PPP1R42: variants seen among roughly 807,000 people sequenced by gnomAD.
The protein encoded by PPP1R42 is leucine rich repeat containing 67.
Under a neutral mutation model 31.0 loss-of-function variants are expected in PPP1R42, and 34 were observed. That is an observed-to-expected ratio of 1.10 (90% CI 0.83 to 1.46). The LOEUF is 1.46. Among genes scored for constraint, PPP1R42 ranks in the 40% most tolerant of loss-of-function variants. The probability of loss-of-function intolerance (pLI) is 0.00; values close to 1 mark genes in which losing one functional copy is unlikely to be tolerated. For missense variants in PPP1R42, 268 were observed against 303.0 expected, an observed-to-expected ratio of 0.88 and a Z score of 0.86; for synonymous variants, 103 against 109.8, an observed-to-expected ratio of 0.94 and a Z score of 0.39.
At chr8:67,024,366 T>G (rs1482427299) in intron 1 of PPP1R42, among the ~76,000 whole-genome samples, 1 of 151,980 alleles carries the variant, frequency 6.6e-6, no homozygotes, top group Non-Finnish European at 1.5e-5. Context: ...CAGGCTGGAG[T>G]ACAGTGGTGC....
intron 6 of PPP1R42, chr8:66,984,169 A>C (rs1814931681): frequency 9.4e-6 from 15 of 1,591,906 alleles, no homozygotes; most frequent in Non-Finnish European, 1.2e-5. Flanking sequence ...ACTCAGCGCA[A>C]GGTCCCAGTA....
intron 5 of PPP1R42, among the ~76,000 whole-genome samples, chr8:66,990,042 A>G (rs1815142981): frequency 6.6e-6 from 1 of 152,222 alleles, no homozygotes; most frequent in Admixed American, 6.5e-5. Context: ...TAAGTAGTTG[A>G]CTTTTTATAA....
chr8:66,985,276 G>A, intron 6 of PPP1R42: 1 of 956,010 alleles, frequency 1.0e-6, no homozygotes, highest in African/African-American at 1.6e-5. Flanking sequence ...GGAAGCGACA[G>A]TGGAGACTCG....
At chr8:66,985,200 T>C (rs1814967941) in intron 6 of PPP1R42, 3 of 1,130,540 alleles carry the variant, frequency 2.7e-6, no homozygotes, top group Non-Finnish European at 4.0e-6. Flanking sequence ...CCTTTGTCCT[T>C]AATCGCTGAG....
At chr8:67,009,710 T>G (rs1815788678) in intron 5 of PPP1R42, among the ~76,000 whole-genome samples, 1 of 152,272 alleles carries the variant, frequency 6.6e-6, no homozygotes, top group Admixed American at 6.5e-5. Context: ...ACCCTGATTA[T>G]TCAATTGCAT....
chr8:66,981,233 T>TTA (rs1814823755), intron 7 of PPP1R42, among the ~76,000 whole-genome samples: 1 of 152,102 alleles, frequency 6.6e-6, no homozygotes, highest in Admixed American at 6.5e-5. Flanking sequence ...GCAAGGGAGG[T>TTA]TGGTATGTCG....
chr8:66,989,565 G>A (rs1200268457), intron 5 of PPP1R42, among the ~76,000 whole-genome samples: 1 of 151,962 alleles, frequency 6.6e-6, no homozygotes, highest in African/African-American at 2.4e-5. Flanking sequence ...CATTTAATCT[G>A]TAATGAATTA....
At position 66,973,811 on chromosome 8, in the gene PPP1R42, A is replaced by G. The variant is rs117973875; in HGVS notation, c.802+8238T>C. The stretch of plus-strand genomic sequence containing the variant: ...GAGTGTGTGAATTTAACTATTTTAG[A>G]TATCTTATATAAGTTGAATCAGTAT... On this transcript the variant is annotated intron_variant, in intron 7 of 7. Transcript: ENST00000685739. Among the ~76,000 whole-genome samples, 52 of 152,222 alleles carry G rather than the reference A, an allele frequency of 3.4e-4. No homozygotes were observed. In the East Asian group the frequency reaches 3.7e-3, roughly 11 times the overall value.
At chr8:66,979,016 C>G (rs1814752444) in intron 7 of PPP1R42, among the ~76,000 whole-genome samples, 2 of 152,094 alleles carry the variant, frequency 1.3e-5, no homozygotes, top group Non-Finnish European at 2.9e-5. Flanking sequence ...TGTCTTTTCA[C>G]TCTTGATTGT....
chr8:66,988,372 T>TA, intron 6 of PPP1R42, 28 bp downstream of exon 6: 1 of 1,354,304 alleles, frequency 7.4e-7, no homozygotes, highest in African/African-American at 1.5e-5. Context: ...GTCATTCTCT[T>TA]AAAAATTATA....
intron 5 of PPP1R42, among the ~76,000 whole-genome samples, chr8:67,009,127 A>G (rs1815771896): frequency 6.6e-6 from 1 of 151,888 alleles, no homozygotes; most frequent in African/African-American, 2.4e-5. Flanking sequence ...AAAATAAGCC[A>G]GGCATGGTGG....
At chr8:67,024,904 T>C (rs1046505931) in intron 1 of PPP1R42, among the ~76,000 whole-genome samples, 37 of 151,866 alleles carry the variant, frequency 2.4e-4, no homozygotes, top group African/African-American at 8.9e-4. Flanking sequence ...ATACACAAAT[T>C]AAGTTTGCTA....
At chr8:67,023,444 T>C (rs1816285604) in intron 1 of PPP1R42, among the ~76,000 whole-genome samples, 1 of 152,206 alleles carries the variant, frequency 6.6e-6, no homozygotes, top group South Asian at 2.1e-4. Context: ...GGATCATAGA[T>C]TTTTGTTGAT....
intron 6 of PPP1R42, among the ~76,000 whole-genome samples, chr8:66,986,689 A>G (rs533418293): frequency 2.8e-4 from 42 of 152,344 alleles, no homozygotes; most frequent in African/African-American, 1.0e-3. Flanking sequence ...CCTGAAGCGG[A>G]AATTAGGCTA....
At chr8:66,996,473 A>G (rs772965889) in intron 5 of PPP1R42, among the ~76,000 whole-genome samples, 3 of 152,166 alleles carry the variant, frequency 2.0e-5, no homozygotes, top group Non-Finnish European at 2.9e-5. Flanking sequence ...TTAGTTTTCT[A>G]TGTACTTACC....
intron 5 of PPP1R42, among the ~76,000 whole-genome samples, chr8:67,005,850 T>A (rs964990585): frequency 1.3e-5 from 2 of 152,190 alleles, no homozygotes; most frequent in Non-Finnish European, 1.5e-5. Flanking sequence ...TTGTTTTTTT[T>A]TTTTAAAAAT....
intron 1 of PPP1R42, among the ~76,000 whole-genome samples, chr8:67,019,216 C>G: frequency 6.8e-6 from 1 of 148,136 alleles, no homozygotes; most frequent in African/African-American, 2.5e-5. Context: ...GGGTGCACCA[C>G]TACGCCTGGT....
intron 2 of PPP1R42, 105 bp from the exon 3 acceptor site, chr8:67,014,697 T>C: frequency 1.4e-6 from 1 of 719,222 alleles, no homozygotes; most frequent in South Asian, 2.2e-5. Flanking sequence ...TTCTCTAAGG[T>C]TAATATAAAA....
chr8:66,984,226 A>G (rs879070928), intron 6 of PPP1R42: 1 of 1,517,674 alleles, frequency 6.6e-7, no homozygotes, highest in Non-Finnish European at 9.1e-7. Flanking sequence ...TATGTTCTCT[A>G]TAGGACACTG....
Sources: allele counts gnomAD v4.1 joint callset (sites outside exome capture counted in the v4.1 genomes callset), GRCh38; gene constraint gnomAD v4.1.1; transcripts MANE v1.5; gene names NCBI Gene and HGNC (gene_info 2026-07-23, HGNC 2026-07-21).